PPP2R2B: variants seen among roughly 807,000 people sequenced by gnomAD.
PPP2R2B encodes protein phosphatase 2 regulatory subunit Bbeta, also known as serine/threonine-protein phosphatase 2A 55 kDa regulatory subunit B beta isoform.
In PPP2R2B, 5 loss-of-function variants were observed where a neutral mutation model predicts 46.0. The ratio of observed to expected loss-of-function variants is 0.11; its 90% CI spans 0.06 to 0.23. The LOEUF (loss-of-function observed/expected upper bound fraction) is 0.23, where lower values mean the gene tolerates loss of function less well. Ranked by LOEUF, PPP2R2B falls within the 10% of genes least tolerant of loss-of-function variation. The pLI is 1.00. For synonymous variants in PPP2R2B, 215 were observed against 206.7 expected (o/e 1.04, Z -0.34); for missense variants, 367 against 575.0 (o/e 0.64, Z 3.70).
intron 2 of PPP2R2B, among the ~76,000 whole-genome samples, chr5:146,801,194 T>C (rs1756845611): frequency 6.6e-6 from 1 of 152,142 alleles, no homozygotes. Context: ...GAGAACATGT[T>C]GGTTAAGGGG....
intron 7 of PPP2R2B, among the ~76,000 whole-genome samples, chr5:146,609,904 C>CG (rs898713657): frequency 4.2e-5 from 6 of 144,478 alleles, no homozygotes; most frequent in Non-Finnish European, 8.9e-5. Flanking sequence ...AAGGTGGCAA[C>CG]GAGGCTGGGG....
chr5:146,704,039 G>A (rs1779692382), intron 2 of PPP2R2B, among the ~76,000 whole-genome samples: 1 of 152,140 alleles, frequency 6.6e-6, no homozygotes, highest in Non-Finnish European at 1.5e-5. Flanking sequence ...GGCAGCTCAA[G>A]TTAATACTTG....
At chr5:147,062,347 G>A (rs1233868827) in intron 2 of PPP2R2B, among the ~76,000 whole-genome samples, 1 of 152,114 alleles carries the variant, frequency 6.6e-6, no homozygotes, top group East Asian at 1.9e-4. Flanking sequence ...ATGCATGACG[G>A]TAGTAGTAAT....
At chr5:146,815,755 TC>T (rs1226138811) in intron 2 of PPP2R2B, among the ~76,000 whole-genome samples, 2 of 152,216 alleles carry the variant, frequency 1.3e-5, no homozygotes, top group Non-Finnish European at 2.9e-5. Flanking sequence ...ATCTGAATAG[TC>T]TCAATTATAT....
chr5:146,852,799 T>C (rs376898894), intron 2 of PPP2R2B, among the ~76,000 whole-genome samples: 2 of 152,070 alleles, frequency 1.3e-5, no homozygotes, highest in South Asian at 2.1e-4. Flanking sequence ...AGGGAGCACA[T>C]TGGGAATTAT....
intron 1 of PPP2R2B, among the ~76,000 whole-genome samples, chr5:147,054,960 A>T (rs778376312): frequency 3.3e-5 from 5 of 152,218 alleles, no homozygotes; most frequent in African/African-American, 9.6e-5. Context: ...TTGAAAGGGA[A>T]TTGCCAGAAT....
At chr5:146,609,376 G>C (rs1172107859) in intron 7 of PPP2R2B, among the ~76,000 whole-genome samples, 1 of 152,122 alleles carries the variant, frequency 6.6e-6, no homozygotes, top group African/African-American at 2.4e-5. Flanking sequence ...AGGAAGAAAA[G>C]GCATCCAAAT....
intron 2 of PPP2R2B, among the ~76,000 whole-genome samples, chr5:146,716,469 A>G (rs1479604004): frequency 6.6e-6 from 1 of 152,160 alleles, no homozygotes; most frequent in Admixed American, 6.5e-5. Context: ...TAATAATACA[A>G]TTTAGCTCTT....
chr5:146,800,315 C>T (rs1756783950), intron 2 of PPP2R2B, among the ~76,000 whole-genome samples: 1 of 152,014 alleles, frequency 6.6e-6, no homozygotes, highest in Non-Finnish European at 1.5e-5. Flanking sequence ...TCACTTCATC[C>T]TCACAACTGT....
chr5:146,915,003 ATGT>A (rs1315655188), intron 1 of PPP2R2B, among the ~76,000 whole-genome samples: 1 of 152,144 alleles, frequency 6.6e-6, no homozygotes, highest in Non-Finnish European at 1.5e-5. Flanking sequence ...AAAAATCAAG[ATGT>A]TGTTTTTTCT....
chr5:146,589,160 GAGCA>G lies in PPP2R2B; in HGVS notation c.*783_*786del, dbSNP rs1227496763. ...TAGAAGATTATATGGAGCCATTTAAGAGCACAAAAAGCAAGAGTAACAAGGCAGC... is the reference window on the plus strand; with the variant it reads ...TAGAAGATTATATGGAGCCATTTAAGCAAAAAGCAAGAGTAACAAGGCAGC... On this transcript the variant is annotated 3_prime_UTR_variant, in exon 10 of 10. Transcript: ENST00000394411. The G allele has an allele frequency of 6.6e-6, 1 of 152,266 alleles. No homozygotes were observed. The highest frequency in any genetic ancestry group is 6.5e-5 in the Admixed American group (1 of 15,276). 9.4% of individuals were successfully genotyped at this position (152,266 alleles called of 1,614,324 possible). A position where few individuals can be genotyped will look rare whatever the true frequency, so the allele number is the denominator to read the frequency against.
At chr5:146,956,905 T>A (rs1751939376) in intron 1 of PPP2R2B, among the ~76,000 whole-genome samples, 2 of 152,302 alleles carry the variant, frequency 1.3e-5, no homozygotes, top group African/African-American at 4.8e-5. Flanking sequence ...AGGGCATTAA[T>A]CCCATTTATT....
intron 2 of PPP2R2B, among the ~76,000 whole-genome samples, chr5:146,733,227 A>G (rs1423183423): frequency 6.6e-6 from 1 of 152,206 alleles, no homozygotes; most frequent in African/African-American, 2.4e-5. Context: ...ATGTGGGAAC[A>G]TGGGATAAAA....
At chr5:146,646,326 G>A (rs905006011) in intron 6 of PPP2R2B, among the ~76,000 whole-genome samples, 1 of 152,016 alleles carries the variant, frequency 6.6e-6, no homozygotes, top group African/African-American at 2.4e-5. Context: ...AAGGATTCTA[G>A]GTATACCATA....
Position 146,589,877 on chromosome 5 carries a change from C to CAAAGA in PPP2R2B, c.*65_*69dup. On this transcript the variant is annotated 3_prime_UTR_variant, in exon 10 of 10. Coordinates refer to ENST00000394411, the MANE Select transcript of PPP2R2B (RefSeq NM_181675.4). Reference sequence around the variant, plus strand: ...AAAGTCAATGCATCAAATGAAGACCCAAAGAAACATTTAAAAACTTGTTTG... The same window carrying CAAAGA: ...AAAGTCAATGCATCAAATGAAGACCCAAAGAAAAGAAACATTTAAAAACTTGTTTG... 6.8e-7 allele frequency: 1 copy of CAAAGA among 1,463,438 alleles called. No homozygotes were observed. The highest frequency in any genetic ancestry group is 1.8e-4 in the Middle Eastern group (1 of 5,566). 90.7% of individuals were successfully genotyped at this position (1,463,438 alleles called of 1,614,324 possible).
At chr5:146,845,995 A>G (rs915201701) in intron 2 of PPP2R2B, among the ~76,000 whole-genome samples, 1 of 152,244 alleles carries the variant, frequency 6.6e-6, no homozygotes, top group Non-Finnish European at 1.5e-5. Flanking sequence ...TTCTGAAGAC[A>G]ACATGAGAAA....
intron 2 of PPP2R2B, among the ~76,000 whole-genome samples, chr5:146,784,955 C>G (rs181279237): frequency 6.6e-6 from 1 of 151,874 alleles, no homozygotes; most frequent in Admixed American, 6.6e-5. Context: ...TATATGATTG[C>G]GAAGAAAAAA....
intron 2 of PPP2R2B, among the ~76,000 whole-genome samples, chr5:146,820,153 G>T (rs1758169307): frequency 6.6e-6 from 1 of 152,172 alleles, no homozygotes; most frequent in African/African-American, 2.4e-5. Context: ...GGTGACTATA[G>T]TTAACAATAA....
At chr5:146,890,413 ACT>A (rs1220801095) in intron 1 of PPP2R2B, among the ~76,000 whole-genome samples, 4 of 151,992 alleles carry the variant, frequency 2.6e-5, no homozygotes, top group Non-Finnish European at 5.9e-5. Flanking sequence ...GGTTTGCCAC[ACT>A]CTCTTTCTTT....
Sources: gnomAD v4.1 joint callset for allele counts (sites outside exome capture counted in the v4.1 genomes callset) on GRCh38, gnomAD v4.1.1 for gene constraint, MANE v1.5 for transcripts, NCBI Gene and HGNC (gene_info 2026-07-23, HGNC 2026-07-21) for gene names.